Variants in NAGK observed in about 807,000 individuals in gnomAD.
NAGK encodes the protein N-acetyl-D-glucosamine kinase.
NAGK carries 35 observed loss-of-function variants against 42.9 expected under a neutral mutation model. That is an observed-to-expected ratio of 0.82 (90% confidence interval 0.62 to 1.08). NAGK has a LOEUF of 1.08. NAGK is among the 50% of genes least tolerant of loss of function. The pLI is 0.00. For synonymous variants in NAGK, 172 were observed against 176.0 expected, an observed-to-expected ratio of 0.98 and a Z score of 0.18; for missense variants, 446 against 446.0, an observed-to-expected ratio of 1.00 and a Z score of 0.00.
chr2:71,075,474 A>G (rs933805209), intron 6 of NAGK, 81 bp from the exon 7 acceptor site: 8 of 1,085,736 alleles, frequency 7.4e-6, no homozygotes, highest in Admixed American at 7.0e-5. Context: ...CAGTAGAGAC[A>G]TTAGGAAGGC....
rs1170880947 is a variant in NAGK at position 71,076,689 on chromosome 2, C to T, written c.753C>T (p.Pro251=). ...MLGRHIVAVL[P]EIDPVLFQGK... is the part of the protein sequence containing the mutation. ...GCAGACACATCGTAGCAGTGTTGCCCGAGATTGACCCGGTGAGTTGAGGTG... is the reference window on the plus strand; with the variant it reads ...GCAGACACATCGTAGCAGTGTTGCCTGAGATTGACCCGGTGAGTTGAGGTG... The change falls in exon 8 of 10, where the codon CCC becomes CCT. Residue 251 remains proline, a synonymous_variant. Coordinates refer to ENST00000244204, the MANE Select transcript of NAGK (RefSeq NM_017567.6). The T allele has an allele frequency of 6.2e-6, 10 of 1,613,192 alleles. No individual in the cohort carries two copies. The highest frequency in any genetic ancestry group is 1.6e-4 in the Middle Eastern group (1 of 6,080).
At chr2:71,069,606 A>AACTTG (rs1558723731) in intron 1 of NAGK, 2 of 153,346 alleles carry the variant, frequency 1.3e-5, no homozygotes, top group African/African-American at 4.8e-5. Flanking sequence ...AAAACAGTAT[A>AACTTG]GGAGTCTGCA....
At chr2:71,070,367 G>T in intron 1 of NAGK, 135 bp from the exon 2 acceptor site, 1 of 640,372 alleles carries the variant, frequency 1.6e-6, no homozygotes, top group Non-Finnish European at 2.7e-6. Flanking sequence ...CACAGAGGCG[G>T]GTTTGGGAGT....
Position 71,073,571 on chromosome 2 carries a change from C to T in NAGK, c.556C>T (p.Gln186Ter). 1 of 1,613,818 alleles carries T rather than the reference C, an allele frequency of 6.2e-7. No homozygotes were observed. Among genetic ancestry groups the T allele is most frequent in the South Asian group, 1.1e-5 (1 of 91,076 alleles). The change falls in exon 6 of 10, where the codon CAG becomes TAG. Residue 186 changes from glutamine (Q) to a stop codon, truncating the protein, a stop_gained. Transcript: ENST00000244204. LOFTEE classifies it high-confidence loss of function. ...AAPHDIGYVK[Q>*]AMFHYFQVPD... ...TCCTCATGATATCGGCTACGTCAAA[C>T]AGGCCATGTTCCACTATTTCCAGGT...
At chr2:71,069,773 C>G (rs1671929119) in intron 1 of NAGK, 1 of 154,630 alleles carries the variant, frequency 6.5e-6, no homozygotes, top group South Asian at 2.0e-4. Context: ...GTGTCTTCTT[C>G]TGCCATTCCT....
At chr2:71,072,951 G>C in intron 5 of NAGK, 200 bp downstream of exon 5, 1 of 631,470 alleles carries the variant, frequency 1.6e-6, no homozygotes, top group Non-Finnish European at 2.9e-6. Flanking sequence ...CTGCTCTCCA[G>C]CAGTGACTTG....
chr2:71,071,587 G>A (rs1572976442), intron 3 of NAGK, 99 bp from the exon 4 acceptor site: 1 of 1,467,120 alleles, frequency 6.8e-7, no homozygotes, highest in East Asian at 2.5e-5. Context: ...GGTATGGCCA[G>A]ATGGGGAGAA....
intron 6 of NAGK, 104 bp from the exon 7 acceptor site, chr2:71,075,451 C>T (rs1377320717): frequency 2.3e-5 from 19 of 809,436 alleles, no homozygotes; most frequent in Non-Finnish European, 3.9e-5. Flanking sequence ...AAAAATTATT[C>T]TAGCTTTTCC....
At position 71,068,689 on chromosome 2, in the gene NAGK, C is replaced by T. The variant is rs965540693; in HGVS notation, c.6C>T (p.Ala2=). 6.8e-5 allele frequency: 104 copies of T among 1,518,912 alleles called. No homozygotes were observed. In the Middle Eastern group the frequency reaches 1.8e-3, roughly 26 times the overall value. The allele number at this position is 1,518,912 out of a possible 1,614,324, so 94.1% of individuals were successfully genotyped here. A position where few individuals can be genotyped will look rare whatever the true frequency, so the allele number is the denominator to read the frequency against. The change falls in exon 1 of 10, where the codon GCC becomes GCT. Residue 2 remains alanine, a synonymous_variant. Coordinates refer to ENST00000244204, the MANE Select transcript of NAGK (RefSeq NM_017567.6). Reference sequence around the variant, plus strand: ...GCAGCGACGGTAGCAGCAGCATGGCCGCGATCTATGGGGGTGTAGAGGGGT... The same window carrying T: ...GCAGCGACGGTAGCAGCAGCATGGCTGCGATCTATGGGGGTGTAGAGGGGT... The part of the protein sequence containing the change: M[A]AIYGGVEGGG...
chr2:71,078,551 T>A lies in NAGK; in HGVS notation c.*43T>A, dbSNP rs1336747964. ...CACCCCCTCCAAGCTCAGTGGACACTGGGTCTGAAAGGAAGGAGTCTTTTG... is the reference window on the plus strand; with the variant it reads ...CACCCCCTCCAAGCTCAGTGGACACAGGGTCTGAAAGGAAGGAGTCTTTTG... On this transcript the variant is annotated 3_prime_UTR_variant, in exon 10 of 10. Coordinates refer to ENST00000244204, the MANE Select transcript of NAGK (RefSeq NM_017567.6). The A allele has an allele frequency of 6.8e-7, 1 of 1,460,984 alleles. No individual in the cohort carries two copies. The highest frequency in any genetic ancestry group is 9.1e-7 in the Non-Finnish European group (1 of 1,101,600). 90.5% of individuals were successfully genotyped at this position (1,460,984 alleles called of 1,614,324 possible). A position where few individuals can be genotyped will look rare whatever the true frequency, so the allele number is the denominator to read the frequency against.
At chr2:71,076,468 C>G in intron 7 of NAGK, 136 bp from the exon 8 acceptor site, 6 of 642,306 alleles carry the variant, frequency 9.3e-6, no homozygotes, top group Non-Finnish European at 1.6e-5. Context: ...TGCCACGAGG[C>G]GGGCATCCAT....
Position 71,071,759 on chromosome 2 carries a change from C to T in NAGK, c.287C>T (p.Pro96Leu), listed in dbSNP as rs1349483131. ...ATCGAGGAGCTGAGGGACCGATTTC[C>T]CTACCTGAGTGAAAGCTACTTAATC... ...ILIEELRDRF[P>L]YLSESYLITT... is the part of the protein sequence containing the mutation. Residue 96 changes from proline (P) to leucine (L), a missense_variant, in exon 4 of 10, where the codon CCC becomes CTC. Transcript: ENST00000244204. 1 of 1,614,050 alleles carries T rather than the reference C, an allele frequency of 6.2e-7. No individual in the cohort carries two copies. The highest frequency in any genetic ancestry group is 8.5e-7 in the Non-Finnish European group (1 of 1,180,040).
intron 5 of NAGK, chr2:71,073,058 G>T: frequency 4.3e-6 from 2 of 465,132 alleles, no homozygotes; most frequent in Non-Finnish European, 8.0e-6. Flanking sequence ...GGCCATAGAT[G>T]CCAGGAGATG....
At chr2:71,078,235 GGC>G in intron 9 of NAGK, 81 bp from the exon 10 acceptor site, 1 of 1,402,588 alleles carries the variant, frequency 7.1e-7, no homozygotes, top group South Asian at 1.2e-5. Context: ...TCAGGGTCTG[GGC>G]GTCCTTGTCT....
Position 71,077,566 on chromosome 2 carries a change from C to G in NAGK, c.774C>G (p.Phe258Leu), listed in dbSNP as rs1306990821. 2 of 1,607,908 alleles carry G rather than the reference C, an allele frequency of 1.2e-6. No individual in the cohort carries two copies. Among genetic ancestry groups the G allele is most frequent in the Non-Finnish European group, 1.7e-6 (2 of 1,177,220 alleles). Reference sequence around the variant, plus strand: ...TTCTGCTCTCCACCCAGGTCTTGTTCCAGGGCAAGATTGGACTCCCCATCC... The same window carrying G: ...TTCTGCTCTCCACCCAGGTCTTGTTGCAGGGCAAGATTGGACTCCCCATCC... ...AVLPEIDPVL[F>L]QGKIGLPILC... The change falls in exon 9 of 10, where the codon TTC becomes TTG. Residue 258 changes from phenylalanine (F) to leucine (L), a missense_variant. Transcript: ENST00000244204.
intron 7 of NAGK, 179 bp downstream of exon 7, chr2:71,075,821 G>T: frequency 1.6e-6 from 1 of 610,190 alleles, no homozygotes; most frequent in Admixed American, 2.8e-5. Flanking sequence ...AAGGGCACGT[G>T]GGTCGTGTTG....
rs781732389 is a variant in NAGK, at chr2:71,076,623, C to T, written c.687C>T (p.Pro229=). The change falls in exon 8 of 10, where the codon CCC becomes CCT. Residue 229 remains proline, a synonymous_variant. Transcript: ENST00000244204. ...KIAEGAQQGD[P]LSRYIFRKAG... is the part of the protein sequence containing the mutation. ...CCCCAGGTGCTCAGCAGGGAGACCC[C>T]CTTTCCCGCTATATCTTCAGGAAGG... The T allele has an allele frequency of 9.9e-6, 16 of 1,613,580 alleles. No homozygotes were observed. In the East Asian group the frequency reaches 2.5e-4, roughly 25 times the overall value.
At chr2:71,070,629 T>A in intron 2 of NAGK, 43 bp downstream of exon 2, 1 of 1,607,078 alleles carries the variant, frequency 6.2e-7, no homozygotes, top group Non-Finnish European at 8.5e-7. Context: ...GGTTCTGATT[T>A]TATTCTCTGT....
intron 7 of NAGK, 179 bp from the exon 8 acceptor site, chr2:71,076,425 G>A (rs2103717315): frequency 1.8e-6 from 1 of 561,750 alleles, no homozygotes; most frequent in South Asian, 2.0e-5. Context: ...GAGGTAGCTG[G>A]TATGTTTGTC....
Sources: allele counts gnomAD v4.1 joint callset, GRCh38; gene constraint gnomAD v4.1.1; transcripts MANE v1.5; gene names NCBI Gene and HGNC (gene_info 2026-07-23, HGNC 2026-07-21).